MCM9: variants seen among roughly 807,000 people sequenced by gnomAD.
MCM9 encodes DNA helicase MCM9.
A neutral mutation model predicts 72.8 loss-of-function variants in MCM9; 55 were observed. That is an observed-to-expected ratio of 0.76 (90% CI 0.61 to 0.95). The LOEUF (loss-of-function observed/expected upper bound fraction) is 0.95. Among genes scored for constraint, MCM9 ranks in the 40% least tolerant of loss-of-function variants. MCM9 has a pLI of 0.00. For missense variants in MCM9, 1,279 were observed against 1,377.0 expected, an observed-to-expected ratio of 0.93 and a Z score of 1.13; for synonymous variants, 480 against 503.4, an observed-to-expected ratio of 0.95 and a Z score of 0.62.
intron 8 of MCM9, among the ~76,000 whole-genome samples, chr6:118,902,185 G>A (rs528210676): frequency 6.6e-6 from 1 of 152,306 alleles, no homozygotes; most frequent in South Asian, 2.1e-4. Flanking sequence ...TTCTGTAGAA[G>A]GAAGCACTGC....
intron 2 of MCM9, 129 bp downstream of exon 2, chr6:118,932,478 G>T (rs2114469722): frequency 2.4e-6 from 1 of 415,340 alleles, no homozygotes; most frequent in South Asian, 1.0e-4. Flanking sequence ...TAACAGTGGA[G>T]TTCTTTGCAA....
At chr6:118,862,106 T>A (rs1461001548) in intron 8 of MCM9, among the ~76,000 whole-genome samples, 2 of 152,174 alleles carry the variant, frequency 1.3e-5, no homozygotes, top group African/African-American at 4.8e-5. Flanking sequence ...GCTCTGAAAT[T>A]GGAGTGACAG....
At chr6:118,898,425 AT>A (rs34394511) in intron 8 of MCM9, among the ~76,000 whole-genome samples, 28,127 of 140,382 alleles carry the variant, frequency 0.2, 2,784 homozygotes, top group African/African-American at 0.31. Context: ...TTATGTAATA[AT>A]TTTTTTTTTT....
intron 8 of MCM9, among the ~76,000 whole-genome samples, chr6:118,897,370 A>G (rs1583586388): frequency 6.6e-6 from 1 of 152,048 alleles, no homozygotes; most frequent in Admixed American, 6.6e-5. Context: ...ACAGCCTGAG[A>G]CCCTGGCTGG....
At chr6:118,934,256 T>C (rs572072490) in intron 1 of MCM9, 1 of 152,234 alleles carries the variant, frequency 6.6e-6, no homozygotes, top group Non-Finnish European at 1.5e-5. Context: ...GCTAAATCAA[T>C]AAACGTACCT....
chr6:118,830,465 T>C (rs1329314398), intron 9 of MCM9, among the ~76,000 whole-genome samples: 1 of 152,146 alleles, frequency 6.6e-6, no homozygotes, highest in Non-Finnish European at 1.5e-5. Context: ...TTTTAAAAAA[T>C]TAGTGACAAG....
At chr6:118,886,204 AAACCTC>A (rs1178599976) in intron 8 of MCM9, among the ~76,000 whole-genome samples, 1 of 152,198 alleles carries the variant, frequency 6.6e-6, no homozygotes, top group Non-Finnish European at 1.5e-5. Flanking sequence ...GCATCTAAAA[AAACCTC>A]ACAGCTAGTA....
intron 3 of MCM9, among the ~76,000 whole-genome samples, chr6:118,927,546 A>G (rs190264409): frequency 0.01 from 1,579 of 152,134 alleles, 30 homozygotes; most frequent in African/African-American, 0.036. Flanking sequence ...CGGAGGTTGC[A>G]GTGAGCCGAG....
chr6:118,863,416 A>C (rs921129725), intron 8 of MCM9, among the ~76,000 whole-genome samples: 50 of 152,254 alleles, frequency 3.3e-4, no homozygotes, highest in African/African-American at 1.2e-3. Context: ...TGAGGAGAGA[A>C]AATGGAATCA....
intron 11 of MCM9, 34 bp from the exon 12 acceptor site, chr6:118,826,898 T>A: frequency 6.6e-7 from 1 of 1,506,912 alleles, no homozygotes. Flanking sequence ...TTTTTAGGAA[T>A]ATTTGAGGTG....
chr6:118,883,212 G>T (rs1778405073), intron 8 of MCM9, among the ~76,000 whole-genome samples: 1 of 151,904 alleles, frequency 6.6e-6, no homozygotes, highest in Non-Finnish European at 1.5e-5. Flanking sequence ...TCACTAGATA[G>T]CTCAAGAGTA....
intron 8 of MCM9, among the ~76,000 whole-genome samples, chr6:118,898,106 A>G (rs946632859): frequency 2.0e-5 from 3 of 152,216 alleles, no homozygotes; most frequent in African/African-American, 7.2e-5. Flanking sequence ...GTAGTTACAG[A>G]GGCATAGCTT....
In MCM9 at chr6:118,928,549, C is replaced by G. The variant is rs1248741581; in HGVS notation, c.304+2871G>C. ...TAAAATAACAACAGAACCTATCACA[C>G]AGGGTAATAAGAAAACTAGAAGAAT... On this transcript the variant is annotated intron_variant, in intron 3 of 13. Coordinates refer to ENST00000619706, the MANE Select transcript of MCM9 (RefSeq NM_017696.3). Among the ~76,000 whole-genome samples the G allele has an allele frequency of 2.0e-5, 3 of 152,106 alleles. No homozygotes were observed. The East Asian group carries it at 5.8e-4, about 29-fold the overall frequency.
At chr6:118,847,437 A>AG (rs1554257386) in intron 9 of MCM9, among the ~76,000 whole-genome samples, 4 of 150,924 alleles carry the variant, frequency 2.7e-5, no homozygotes, top group African/African-American at 4.9e-5. Flanking sequence ...AAAAAAAAAA[A>AG]AAAGAAATTA....
intron 9 of MCM9, among the ~76,000 whole-genome samples, chr6:118,853,490 G>T (rs918936711): frequency 6.6e-6 from 1 of 151,958 alleles, no homozygotes. Flanking sequence ...GGAACAGGTG[G>T]TGTTTGGGAT....
At chr6:118,872,906 C>T (rs923496463) in intron 8 of MCM9, among the ~76,000 whole-genome samples, 4 of 152,094 alleles carry the variant, frequency 2.6e-5, no homozygotes, top group Non-Finnish European at 4.4e-5. Flanking sequence ...GAATGATTCA[C>T]GCCTGTAATC....
At chr6:118,868,491 G>A (rs1233445103) in intron 8 of MCM9, among the ~76,000 whole-genome samples, 3 of 152,034 alleles carry the variant, frequency 2.0e-5, no homozygotes, top group Non-Finnish European at 4.4e-5. Context: ...GCAACCTACA[G>A]AATGGGAGAA....
At chr6:118,843,530 A>G (rs1207878498) in intron 9 of MCM9, among the ~76,000 whole-genome samples, 5 of 150,546 alleles carry the variant, frequency 3.3e-5, no homozygotes, top group African/African-American at 1.2e-4. Context: ...CAGAAGGCTG[A>G]GACAGGAGAC....
chr6:118,924,759 C>T (rs1781739516), intron 3 of MCM9, among the ~76,000 whole-genome samples: 1 of 152,096 alleles, frequency 6.6e-6, no homozygotes, highest in Admixed American at 6.6e-5. Context: ...TGCAAAATGC[C>T]AAAGAAAATT....
Sources: allele counts gnomAD v4.1 joint callset (sites outside exome capture counted in the v4.1 genomes callset), GRCh38; gene constraint gnomAD v4.1.1; transcripts MANE v1.5; gene names NCBI Gene and HGNC (gene_info 2026-07-23, HGNC 2026-07-21).